The following RASA2 variants were observed in gnomAD, a reference collection of about 807,000 sequenced individuals.
RASA2 encodes the protein RAS p21 protein activator 2, also known as ras GTPase-activating protein 2.
Under a neutral mutation model 118.2 loss-of-function variants are expected in RASA2, and 155 were observed. That is an observed-to-expected ratio of 1.31 (90% confidence interval 1.15 to 1.50). RASA2 has a LOEUF of 1.50. Among genes scored for constraint, RASA2 ranks in the 40% most tolerant of loss-of-function variants. The pLI is 0.00. For missense variants in RASA2, 1,016 were observed against 1,009.6 expected (o/e 1.01, Z -0.09); for synonymous variants, 353 against 349.1 (o/e 1.01, Z -0.12).
chr3:141,541,165 C>G (rs1222097823), intron 5 of RASA2, among the ~76,000 whole-genome samples: 2 of 152,154 alleles, frequency 1.3e-5, no homozygotes, highest in East Asian at 3.8e-4. Context: ...TGCCAGATAA[C>G]CTTCACTTCT....
At chr3:141,506,929 AAAAG>A (rs2081877428) in intron 1 of RASA2, among the ~76,000 whole-genome samples, 1 of 151,884 alleles carries the variant, frequency 6.6e-6, no homozygotes, top group Non-Finnish European at 1.5e-5. Context: ...AAAAAAAAAA[AAAAG>A]AAAAAGAAAA....
chr3:141,520,634 A>G (rs1391085781), intron 3 of RASA2, among the ~76,000 whole-genome samples: 1 of 140,826 alleles, frequency 7.1e-6, no homozygotes, highest in African/African-American at 2.9e-5. Context: ...ACAGTTATAT[A>G]TAGTTACATA....
At chr3:141,558,281 CAAAAT>C (rs1241642422) in intron 7 of RASA2, among the ~76,000 whole-genome samples, 2 of 151,914 alleles carry the variant, frequency 1.3e-5, no homozygotes, top group Non-Finnish European at 2.9e-5. Flanking sequence ...GTTTTTAGTG[CAAAAT>C]AAAACATAAA....
At chr3:141,518,859 ATT>A (rs1040524648) in intron 3 of RASA2, among the ~76,000 whole-genome samples, 1 of 151,884 alleles carries the variant, frequency 6.6e-6, no homozygotes, top group Non-Finnish European at 1.5e-5. Flanking sequence ...TTTTATTCAG[ATT>A]TTTTCCTTTT....
At chr3:141,571,822 G>A (rs1329293666) in intron 11 of RASA2, among the ~76,000 whole-genome samples, 3 of 151,768 alleles carry the variant, frequency 2.0e-5, no homozygotes, top group East Asian at 3.9e-4. Flanking sequence ...AATGGTTCAC[G>A]TGTCACAAGT....
Position 141,555,894 on chromosome 3 carries a change from T to A in RASA2, c.666T>A (p.Asn222Lys). The change falls in exon 7 of 24, where the codon AAT becomes AAA. Residue 222 changes from asparagine (N) to lysine (K), a missense_variant. By Grantham distance (94) the Asn-to-Lys change is moderately conservative. Transcript: ENST00000286364. The stretch of plus-strand genomic sequence containing the variant: ...AGAAAACAAGCAATCCGCAGTTTAA[T>A]GAAATCTTTTATTTTGAGGTAATTT... ...VKKKTSNPQF[N>K]EIFYFEVTRS... 6.2e-7 allele frequency: 1 copy of A among 1,610,686 alleles called. No individual in the cohort carries two copies. Among genetic ancestry groups the A allele is most frequent in the Middle Eastern group, 1.8e-4 (1 of 5,460 alleles).
chr3:141,512,891 C>T (rs961055572), intron 2 of RASA2, among the ~76,000 whole-genome samples: 12 of 151,834 alleles, frequency 7.9e-5, no homozygotes, highest in African/African-American at 2.9e-4. Context: ...GGTGAAACCC[C>T]GTCTCTACGA....
chr3:141,610,431 A>G lies in RASA2; in HGVS notation c.2519+365A>G, dbSNP rs1282494913. On this transcript the variant is annotated intron_variant, in intron 23 of 23. Coordinates refer to ENST00000286364, the MANE Select transcript of RASA2 (RefSeq NM_006506.5). ...ATATATTTATATTTATATATTATAT[A>G]TTTATATTTATATATTATATATTTA... Among the ~76,000 whole-genome samples, 3 of 105,910 alleles carry G rather than the reference A, an allele frequency of 2.8e-5. 1 individual carries two copies. The East Asian group carries it at 6.8e-4, about 24-fold the overall frequency. The allele number at this position is 105,910 out of a possible 152,430, so 69.5% of individuals were successfully genotyped here.
chr3:141,523,445 T>G (rs886870109), intron 3 of RASA2, among the ~76,000 whole-genome samples: 2 of 152,180 alleles, frequency 1.3e-5, no homozygotes, highest in African/African-American at 4.8e-5. Flanking sequence ...CTCCTCCCAG[T>G]CCTCTTCCCA....
intron 2 of RASA2, among the ~76,000 whole-genome samples, chr3:141,514,351 A>G (rs1577665370): frequency 6.6e-6 from 1 of 152,228 alleles, no homozygotes; most frequent in African/African-American, 2.4e-5. Context: ...TTTTGTCACT[A>G]TAGATTCTAG....
At chr3:141,607,120 T>TC (rs1393735660) in intron 19 of RASA2, among the ~76,000 whole-genome samples, 54 of 152,166 alleles carry the variant, frequency 3.5e-4, no homozygotes, top group Non-Finnish European at 7.1e-4. Context: ...TTACTTTTTT[T>TC]CCCTACATCT....
chr3:141,493,033 A>G (rs2081657107), intron 1 of RASA2, among the ~76,000 whole-genome samples: 1 of 152,214 alleles, frequency 6.6e-6, no homozygotes, highest in African/African-American at 2.4e-5. Context: ...TAGAGAAAAT[A>G]AAGGTTCTTA....
intron 19 of RASA2, among the ~76,000 whole-genome samples, chr3:141,603,548 G>T (rs1030607494): frequency 2.6e-5 from 4 of 152,048 alleles, no homozygotes; most frequent in African/African-American, 9.7e-5. Context: ...TCCAGCCTGG[G>T]TGATGAGAGC....
chr3:141,552,761 T>A (rs1203505751), intron 5 of RASA2, among the ~76,000 whole-genome samples: 1 of 152,200 alleles, frequency 6.6e-6, no homozygotes, highest in African/African-American at 2.4e-5. Context: ...TTTCTGTCTT[T>A]ACTCTGCAGT....
chr3:141,556,099 A>G (rs565086565), intron 7 of RASA2, among the ~76,000 whole-genome samples, 187 bp downstream of exon 7: 6 of 152,364 alleles, frequency 3.9e-5, no homozygotes, highest in African/African-American at 1.4e-4. Flanking sequence ...GAATAAAGGC[A>G]GAGCTCTAAT....
Position 141,573,948 on chromosome 3 carries a change from A to G in RASA2, c.1364A>G (p.Asn455Ser), listed in dbSNP as rs2082965648. 3 of 1,580,074 alleles carry G rather than the reference A, an allele frequency of 1.9e-6. No homozygotes were observed. The highest frequency in any genetic ancestry group is 2.6e-6 in the Non-Finnish European group (3 of 1,161,208). Residue 455 changes from asparagine (N) to serine (S), a missense_variant, in exon 14 of 24, where the codon AAT (asparagine) becomes AGT (serine). Transcript: ENST00000286364. ...TTACCTTTTTAAATCCTGCAGGAGA[A>G]TCTGCGCTACTATGTAGACAAGTTA... The part of the protein sequence containing the change: ...EGDNVENNKE[N>S]LRYYVDKLFN...
chr3:141,521,749 CAG>C (rs1440671884), intron 3 of RASA2, among the ~76,000 whole-genome samples: 1 of 152,056 alleles, frequency 6.6e-6, no homozygotes, highest in East Asian at 1.9e-4. Flanking sequence ...ATACATTTAA[CAG>C]AAAATTCTTT....
intron 19 of RASA2, among the ~76,000 whole-genome samples, chr3:141,588,455 T>A (rs961568040): frequency 6.6e-6 from 1 of 152,178 alleles, no homozygotes; most frequent in Non-Finnish European, 1.5e-5. Flanking sequence ...GTGAGCAACA[T>A]TCAGTATGTT....
In RASA2 at chr3:141,580,007, G is replaced by A. The variant is rs1312773275; in HGVS notation, c.1591-361G>A. Among the ~76,000 whole-genome samples the A allele has an allele frequency of 2.8e-5, 4 of 141,570 alleles. No homozygotes were observed. The East Asian group carries it at 6.3e-4, about 22-fold the overall frequency. 92.9% of individuals were successfully genotyped at this position (141,570 alleles called of 152,430 possible). ...GAAGGTGGAGGTTACAGTGAGCTGC[G>A]GTTATGCCACTACACTCCAGCCTGG... On this transcript the variant is annotated intron_variant, in intron 15 of 23. Coordinates refer to ENST00000286364, the MANE Select transcript of RASA2 (RefSeq NM_006506.5).
Sources: allele counts gnomAD v4.1 joint callset (sites outside exome capture counted in the v4.1 genomes callset), GRCh38; gene constraint gnomAD v4.1.1; transcripts MANE v1.5; gene names NCBI Gene and HGNC (gene_info 2026-07-23, HGNC 2026-07-21).